Variants in EPB41L2 observed in about 807,000 individuals in gnomAD.
EPB41L2 encodes band 4.1-like protein 2.
In EPB41L2, 43 loss-of-function variants were observed where a neutral mutation model predicts 113.0. That is an observed-to-expected ratio of 0.38 (90% CI 0.30 to 0.49). The LOEUF (loss-of-function observed/expected upper bound fraction) is 0.49. EPB41L2 is among the 20% of genes least tolerant of loss of function. The pLI is 0.95. For synonymous variants in EPB41L2, 442 were observed against 436.7 expected (o/e 1.01, Z -0.15); for missense variants, 1,147 against 1,223.4 (o/e 0.94, Z 0.93).
At chr6:131,051,200 C>T (rs1231823469) in intron 1 of EPB41L2, among the ~76,000 whole-genome samples, 1 of 152,154 alleles carries the variant, frequency 6.6e-6, no homozygotes, top group East Asian at 1.9e-4. Context: ...AATCACCTGA[C>T]TTTTCTACCT....
chr6:131,025,350 C>A (rs1471233698), intron 1 of EPB41L2, among the ~76,000 whole-genome samples: 1 of 152,178 alleles, frequency 6.6e-6, no homozygotes, highest in African/African-American at 2.4e-5. Flanking sequence ...TCCTAAGGAA[C>A]TTACGGCATG....
At chr6:131,021,254 C>T (rs1337220595) in intron 1 of EPB41L2, among the ~76,000 whole-genome samples, 5 of 152,142 alleles carry the variant, frequency 3.3e-5, no homozygotes, top group Admixed American at 6.6e-5. Flanking sequence ...GGTTACAACA[C>T]CTACTGATGG....
intron 1 of EPB41L2, among the ~76,000 whole-genome samples, chr6:130,980,008 C>A (rs1231089110): frequency 6.6e-6 from 1 of 152,066 alleles, no homozygotes. Flanking sequence ...GAAGGATCAG[C>A]ATTAAGAGAA....
chr6:130,918,641 A>G (rs1801881179), intron 4 of EPB41L2, among the ~76,000 whole-genome samples: 1 of 151,372 alleles, frequency 6.6e-6, no homozygotes, highest in Non-Finnish European at 1.5e-5. Flanking sequence ...CTTTCACCTC[A>G]GTGTCTCAAC....
intron 1 of EPB41L2, among the ~76,000 whole-genome samples, chr6:130,960,388 C>A (rs765124981): frequency 6.6e-6 from 1 of 152,152 alleles, no homozygotes; most frequent in African/African-American, 2.4e-5. Flanking sequence ...CCCATTTGTA[C>A]GTTATTGCTT....
intron 1 of EPB41L2, among the ~76,000 whole-genome samples, chr6:130,958,626 G>C (rs1338296810): frequency 2.6e-5 from 4 of 152,146 alleles, no homozygotes; most frequent in African/African-American, 9.7e-5. Flanking sequence ...TATGTGTCAG[G>C]CATAGGGAGT....
intron 1 of EPB41L2, among the ~76,000 whole-genome samples, chr6:131,042,009 T>C (rs888973845): frequency 2.6e-5 from 4 of 152,146 alleles, no homozygotes; most frequent in African/African-American, 9.7e-5. Flanking sequence ...GTGAATGAAG[T>C]GATAAACTGT....
chr6:131,048,009 G>A (rs1038163614), intron 1 of EPB41L2, among the ~76,000 whole-genome samples: 1 of 151,462 alleles, frequency 6.6e-6, no homozygotes, highest in Non-Finnish European at 1.5e-5. Context: ...CATAGTGGCG[G>A]GTACATGTAA....
At chr6:130,866,034 T>C (rs1183668302) in intron 16 of EPB41L2, among the ~76,000 whole-genome samples, 1 of 152,158 alleles carries the variant, frequency 6.6e-6, no homozygotes, top group Non-Finnish European at 1.5e-5. Flanking sequence ...TAAAAATAGA[T>C]AAACATTTTA....
intron 3 of EPB41L2, among the ~76,000 whole-genome samples, chr6:130,944,186 C>CACACAT (rs1436806885): frequency 6.6e-6 from 1 of 151,472 alleles, no homozygotes; most frequent in African/African-American, 2.4e-5. Flanking sequence ...CACACACACA[C>CACACAT]ACACACACAC....
intron 19 of EPB41L2, among the ~76,000 whole-genome samples, chr6:130,855,330 G>A (rs552246337): frequency 3.9e-5 from 6 of 152,186 alleles, no homozygotes; most frequent in East Asian, 1.9e-4. Context: ...CAGCCTGGGC[G>A]ACAGAGCGAG....
intron 18 of EPB41L2, among the ~76,000 whole-genome samples, chr6:130,859,003 G>A (rs1440536610): frequency 6.6e-6 from 1 of 152,202 alleles, no homozygotes; most frequent in Non-Finnish European, 1.5e-5. Flanking sequence ...GAGCAGGGAG[G>A]ACCCAGAGGG....
chr6:130,872,490 A>G, intron 14 of EPB41L2: 1 of 1,289,390 alleles, frequency 7.8e-7, no homozygotes, highest in Non-Finnish European at 1.0e-6. Flanking sequence ...ATGCTATCAG[A>G]AAAGCCCTTT....
At chr6:130,950,523 A>T (rs1253518847) in intron 3 of EPB41L2, among the ~76,000 whole-genome samples, 2 of 151,954 alleles carry the variant, frequency 1.3e-5, no homozygotes, top group East Asian at 1.9e-4. Context: ...TCAACGATTT[A>T]AAAAAAACAA....
At chr6:130,882,966 T>C (rs952249636) in intron 12 of EPB41L2, 1 of 152,912 alleles carries the variant, frequency 6.5e-6, no homozygotes, top group Admixed American at 6.5e-5. Flanking sequence ...AAATCAGGCA[T>C]AGCAACTTCA....
intron 1 of EPB41L2, among the ~76,000 whole-genome samples, chr6:130,959,468 G>C (rs553670408): frequency 2.0e-5 from 3 of 152,058 alleles, no homozygotes; most frequent in Admixed American, 2.0e-4. Context: ...AGGCATGAGG[G>C]CCAGAAGAAA....
chr6:130,958,468 C>CAAAAAAAAAAAAA (rs200548809), intron 1 of EPB41L2, among the ~76,000 whole-genome samples: 39 of 113,768 alleles, frequency 3.4e-4, no homozygotes, highest in Non-Finnish European at 5.4e-4. Context: ...ACAACAACAA[C>CAAAAAAAAAAAAA]AAAAAAAAAA....
intron 15 of EPB41L2, chr6:130,868,049 A>G (rs1244831865): frequency 6.0e-6 from 1 of 167,796 alleles, no homozygotes. Flanking sequence ...AAAAGAAAAT[A>G]GAATGAACTA....
Position 130,990,803 on chromosome 6 carries a change from A to G in EPB41L2, c.-14-34304T>C, listed in dbSNP as rs1390574534. The stretch of plus-strand genomic sequence containing the variant: ...ATAATTAAATGTTCTAAAGGTGCTT[A>G]TAACCTTATTAACTATACAGGTAAT... On this transcript the variant is annotated intron_variant, in intron 1 of 19. Coordinates refer to ENST00000337057, the MANE Select transcript of EPB41L2 (RefSeq NM_001431.4). Among the ~76,000 whole-genome samples the G allele has an allele frequency of 3.3e-5, 5 of 151,622 alleles. No individual in the cohort carries two copies. In the East Asian group the frequency reaches 5.9e-4, roughly 18 times the overall value.
Sources: allele counts gnomAD v4.1 joint callset (sites outside exome capture counted in the v4.1 genomes callset), GRCh38; gene constraint gnomAD v4.1.1; transcripts MANE v1.5; gene names NCBI Gene and HGNC (gene_info 2026-07-23, HGNC 2026-07-21).